Variants in DNAJC24 observed in about 807,000 individuals in gnomAD.
DNAJC24 encodes dnaJ homolog subfamily C member 24.
A neutral mutation model predicts 18.0 loss-of-function variants in DNAJC24; 17 were observed. That is an observed-to-expected ratio of 0.94 (90% confidence interval 0.65 to 1.42). The LOEUF (loss-of-function observed/expected upper bound fraction) is 1.42. Among genes scored for constraint, DNAJC24 ranks in the 40% most tolerant of loss-of-function variants. DNAJC24 has a pLI of 0.00. For synonymous variants in DNAJC24, 55 were observed against 57.7 expected (o/e 0.95, Z 0.21); for missense variants, 158 against 175.6 (o/e 0.90, Z 0.57).
intron 4 of DNAJC24, 33 bp downstream of exon 4, chr11:31,426,388 A>G (rs764559768): frequency 8.9e-7 from 1 of 1,127,396 alleles, no homozygotes; most frequent in East Asian, 2.7e-5. Context: ...ACAACATTTA[A>G]AAAAAAAAGG....
chr11:31,430,601 A>G lies in DNAJC24; in HGVS notation c.*200A>G, dbSNP rs1435903549. 3.8e-6 allele frequency: 1 copy of G among 265,548 alleles called. No homozygotes were observed. The highest frequency in any genetic ancestry group is 6.7e-6 in the Non-Finnish European group (1 of 148,388). The allele number at this position is 265,548 out of a possible 1,614,324, so 16.4% of individuals were successfully genotyped here. A position where few individuals can be genotyped will look rare whatever the true frequency, so the allele number is the denominator to read the frequency against. ...TTTGTATTTATAATTTATATTTACA[A>G]GTTGTCACAAAAATAGATTTGATTA... On this transcript the variant is annotated 3_prime_UTR_variant, in exon 5 of 5. Coordinates refer to ENST00000465995, the MANE Select transcript of DNAJC24 (RefSeq NM_181706.5).
chr11:31,411,161 T>G (rs893399722), intron 2 of DNAJC24, among the ~76,000 whole-genome samples: 1 of 152,148 alleles, frequency 6.6e-6, no homozygotes, highest in African/African-American at 2.4e-5. Flanking sequence ...TTAGAAATAG[T>G]AGGAACAAAA....
At chr11:31,424,838 A>T (rs1196062883) in intron 3 of DNAJC24, among the ~76,000 whole-genome samples, 1 of 152,212 alleles carries the variant, frequency 6.6e-6, no homozygotes, top group African/African-American at 2.4e-5. Context: ...CAGTTACTAA[A>T]TATAATTAAA....
chr11:31,398,681 G>A (rs1952568813), intron 2 of DNAJC24, among the ~76,000 whole-genome samples: 1 of 152,146 alleles, frequency 6.6e-6, no homozygotes, highest in South Asian at 2.1e-4. Context: ...CACTGAACTA[G>A]TATCATTAAT....
chr11:31,404,634 TG>T (rs1365711046), intron 2 of DNAJC24, among the ~76,000 whole-genome samples: 9 of 152,200 alleles, frequency 5.9e-5, no homozygotes, highest in African/African-American at 2.2e-4. Flanking sequence ...TCTGAAGAAA[TG>T]AGTTTTTATT....
intron 2 of DNAJC24, among the ~76,000 whole-genome samples, chr11:31,385,740 T>A (rs1952422925): frequency 6.6e-6 from 1 of 152,098 alleles, no homozygotes; most frequent in Admixed American, 6.6e-5. Flanking sequence ...TAAGGCCCAA[T>A]CCTAGAGAGG....
At chr11:31,403,782 T>G (rs1952625927) in intron 2 of DNAJC24, among the ~76,000 whole-genome samples, 1 of 152,166 alleles carries the variant, frequency 6.6e-6, no homozygotes, top group South Asian at 2.1e-4. Context: ...CCCTGGGTGT[T>G]ACAGGAAAGA....
Position 31,430,308 on chromosome 11 carries a change from A to C in DNAJC24, c.357A>C (p.Gly119=). The change falls in exon 5 of 5, where the codon GGA becomes GGC. Residue 119 remains glycine, a synonymous_variant. Coordinates refer to ENST00000465995, the MANE Select transcript of DNAJC24 (RefSeq NM_181706.5). ...TTTATCTGAGTTGCAGATGTGGTGG[A>C]AAATACAGTGTTTCCAAGGATGAAG... ...HSFYLSCRCG[G]KYSVSKDEAE... 6.2e-7 allele frequency: 1 copy of C among 1,610,976 alleles called. No homozygotes were observed. Among genetic ancestry groups the C allele is most frequent in the Non-Finnish European group, 8.5e-7 (1 of 1,177,968 alleles).
chr11:31,409,186 T>C (rs1288271558), intron 2 of DNAJC24, among the ~76,000 whole-genome samples: 1 of 152,230 alleles, frequency 6.6e-6, no homozygotes, highest in Non-Finnish European at 1.5e-5. Flanking sequence ...TTCCTTATTT[T>C]TCCTTTATGG....
chr11:31,423,489 G>C (rs563218407), intron 3 of DNAJC24, among the ~76,000 whole-genome samples: 8 of 152,134 alleles, frequency 5.3e-5, no homozygotes, highest in African/African-American at 4.8e-5. Flanking sequence ...TCGAACTCCT[G>C]ACCTCAGGTG....
chr11:31,426,351 T>A lies in DNAJC24; in HGVS notation c.315T>A (p.Asn105Lys). Residue 105 changes from asparagine to lysine, a missense_variant, in exon 4 of 5, where the codon AAT becomes AAA. Transcript: ENST00000465995. ...TATATCTTGAAGAAATGTCTTGGAA[T>A]GAAGGTTGGATTTTTTTTTTCTCTT... The part of the protein sequence containing the change: ...AQVYLEEMSW[N>K]EGDHSFYLSC... 2.0e-6 allele frequency: 3 copies of A among 1,532,170 alleles called. 1 individual carries two copies. The South Asian group carries it at 3.7e-5, about 19-fold the overall frequency. The allele number at this position is 1,532,170 out of a possible 1,614,324, so 94.9% of individuals were successfully genotyped here.
intron 2 of DNAJC24, among the ~76,000 whole-genome samples, chr11:31,388,965 G>A (rs1423062395): frequency 6.6e-6 from 1 of 152,058 alleles, no homozygotes; most frequent in Non-Finnish European, 1.5e-5. Context: ...TTGTAAGATA[G>A]TATTTGCAAA....
intron 2 of DNAJC24, chr11:31,408,138 G>A (rs938770094): frequency 3.7e-5 from 17 of 455,926 alleles, no homozygotes; most frequent in African/African-American, 2.2e-4. Flanking sequence ...CCTCTTTTTG[G>A]TGTACATACT....
At chr11:31,392,674 A>G (rs963350000) in intron 2 of DNAJC24, among the ~76,000 whole-genome samples, 8 of 151,338 alleles carry the variant, frequency 5.3e-5, no homozygotes, top group Non-Finnish European at 1.2e-4. Context: ...TAATGCCCTT[A>G]TATAAGAGAC....
At chr11:31,417,326 C>G (rs1331535201) in intron 3 of DNAJC24, 2 of 152,088 alleles carry the variant, frequency 1.3e-5, no homozygotes, top group Non-Finnish European at 2.9e-5. Context: ...AATAAACCTA[C>G]TTTCATATTG....
At chr11:31,417,505 CGAGA>C (rs1200844300) in intron 3 of DNAJC24, among the ~76,000 whole-genome samples, 5 of 151,898 alleles carry the variant, frequency 3.3e-5, no homozygotes, top group Admixed American at 2.0e-4. Context: ...GATAGGTTAC[CGAGA>C]GAGAGAGTTT....
At chr11:31,400,422 C>A (rs1280423295) in intron 2 of DNAJC24, among the ~76,000 whole-genome samples, 2 of 152,140 alleles carry the variant, frequency 1.3e-5, no homozygotes, top group African/African-American at 4.8e-5. Context: ...ATAGTCAGGA[C>A]AATCCTAAGC....
At chr11:31,402,665 T>C (rs1381613102) in intron 2 of DNAJC24, among the ~76,000 whole-genome samples, 1 of 152,118 alleles carries the variant, frequency 6.6e-6, no homozygotes, top group Non-Finnish European at 1.5e-5. Context: ...TGTGCCACCA[T>C]GCCTAGCTAA....
rs753734622 is a variant in DNAJC24 at position 31,414,801 on chromosome 11, T to C, written c.112-10T>C. On this transcript the variant is annotated splice_polypyrimidine_tract_variant and intron_variant, in intron 2 of 4. Transcript: ENST00000465995. ...TACTCACCCCCTGCACCCTTCTTTTTGATTGGCAGTATCATCCAGATAAAC... is the reference window on the plus strand; with the variant it reads ...TACTCACCCCCTGCACCCTTCTTTTCGATTGGCAGTATCATCCAGATAAAC... 3.7e-6 allele frequency: 6 copies of C among 1,611,666 alleles called. No homozygotes were observed. The African/African-American group carries it at 8.0e-5, about 22-fold the overall frequency.
Sources: allele counts gnomAD v4.1 joint callset (sites outside exome capture counted in the v4.1 genomes callset), GRCh38; gene constraint gnomAD v4.1.1; transcripts MANE v1.5; gene names NCBI Gene and HGNC (gene_info 2026-07-23, HGNC 2026-07-21).